SGSM3: variants seen among roughly 807,000 people sequenced by gnomAD.
The protein encoded by SGSM3 is RUN and SH3 containing 3.
In SGSM3, 96 loss-of-function variants were observed where a neutral mutation model predicts 100.5. That is an observed-to-expected ratio of 0.96 (90% confidence interval 0.81 to 1.13). The LOEUF is 1.13. Among genes scored for constraint, SGSM3 ranks in the 50% most tolerant of loss-of-function variants. The pLI is 0.00. For missense variants in SGSM3, 1,001 were observed against 1,015.8 expected, an observed-to-expected ratio of 0.99 and a Z score of 0.20; for synonymous variants, 483 against 422.8, an observed-to-expected ratio of 1.14 and a Z score of -1.75.
At chr22:40,394,554 G>A (rs2049802087) in intron 1 of SGSM3, among the ~76,000 whole-genome samples, 1 of 149,624 alleles carries the variant, frequency 6.7e-6, no homozygotes, top group East Asian at 2.0e-4. Flanking sequence ...GCTGAGGCAG[G>A]AAAATCGCTT....
Position 40,407,609 on chromosome 22 carries a change from C to A in SGSM3, c.1524+41C>A. ...GGACTACCAGGTCCTCAGGCTGTGG[C>A]GGGTTCCCCAGACTCCCTCCACCAA... is the stretch of plus-strand genomic sequence containing the variant. On this transcript the variant is annotated intron_variant, in intron 13 of 21. Coordinates refer to ENST00000248929, the MANE Select transcript of SGSM3 (RefSeq NM_015705.6). The surrounding 1 kb of genome is among the most constrained non-coding windows in gnomAD (Gnocchi z 4.7). The A allele has an allele frequency of 1.3e-6, 2 of 1,590,930 alleles. No individual in the cohort carries two copies. The highest frequency in any genetic ancestry group is 1.7e-6 in the Non-Finnish European group (2 of 1,172,512).
intron 21 of SGSM3, 29 bp from the exon 22 acceptor site, chr22:40,409,653 T>C: frequency 6.2e-7 from 1 of 1,613,108 alleles, no homozygotes; most frequent in South Asian, 1.1e-5. Context: ...GCCCAAGGCC[T>C]GTGAGGTGAG....
rs370689144 is a variant in SGSM3, at chr22:40,407,572, C to T, written c.1524+4C>T. The T allele has an allele frequency of 1.0e-5, 16 of 1,601,388 alleles. No individual in the cohort carries two copies. Among genetic ancestry groups the T allele is most frequent in the African/African-American group, 2.7e-5 (2 of 75,044 alleles). ...CCGCAAGAACGACATCATCACAGTG[C>T]GTGGGGGCGCTGGACTACCAGGTCC... is the stretch of plus-strand genomic sequence containing the variant. On this transcript the variant is annotated splice_donor_region_variant and intron_variant, in intron 13 of 21. Coordinates refer to ENST00000248929, the MANE Select transcript of SGSM3 (RefSeq NM_015705.6). The surrounding 1 kb of genome is among the most constrained non-coding windows in gnomAD (Gnocchi z 4.7).
chr22:40,404,709 G>A (rs753760743), intron 6 of SGSM3, 45 bp downstream of exon 6: 2 of 1,398,896 alleles, frequency 1.4e-6, no homozygotes, highest in African/African-American at 2.8e-5. Flanking sequence ...GGCTGTGTGG[G>A]CTCGCAGGAG....
chr22:40,406,727 T>C, intron 10 of SGSM3, 65 bp downstream of exon 10: 1 of 1,382,460 alleles, frequency 7.2e-7, no homozygotes, highest in Non-Finnish European at 1.0e-6. Context: ...CACCTTGAAG[T>C]TCAGAGCGCG....
chr22:40,384,585 C>T (rs1334454368), intron 1 of SGSM3, among the ~76,000 whole-genome samples: 1 of 152,110 alleles, frequency 6.6e-6, no homozygotes, highest in Non-Finnish European at 1.5e-5. Context: ...TCGAGACCAT[C>T]CTGGCTAACA....
At chr22:40,373,733 A>C (rs2046014833) in intron 1 of SGSM3, among the ~76,000 whole-genome samples, 1 of 151,006 alleles carries the variant, frequency 6.6e-6, no homozygotes, top group South Asian at 2.1e-4. Context: ...CTCCTGCCTC[A>C]GCCTCCCGAG....
rs1412194710 is a variant in SGSM3, at chr22:40,387,544, T to G, written c.-111-13152T>G. The G allele has an allele frequency of 6.7e-5, 15 of 225,098 alleles. 1 individual carries two copies. In the East Asian group the frequency reaches 1.1e-3, roughly 16 times the overall value. 13.9% of individuals were successfully genotyped at this position (225,098 alleles called of 1,614,324 possible). On this transcript the variant is annotated intron_variant, in intron 1 of 21. Coordinates refer to ENST00000248929, the MANE Select transcript of SGSM3 (RefSeq NM_015705.6). Reference sequence around the variant, plus strand: ...CAATATAAATGTCTCAGTGGCCTTCTTTGCCAGTCAGCCCTTAAGGAGCTT... The same window carrying G: ...CAATATAAATGTCTCAGTGGCCTTCGTTGCCAGTCAGCCCTTAAGGAGCTT...
rs1469600637 is a variant in SGSM3, at chr22:40,398,809, T to C, written c.-111-1887T>C. On this transcript the variant is annotated intron_variant, in intron 1 of 21. Coordinates refer to ENST00000248929, the MANE Select transcript of SGSM3 (RefSeq NM_015705.6). ...GTGTCAGGCAGTGTGCTAAAGGCCT[T>C]ATTTGCATCAGCTCACGTAATCCTC... Among the ~76,000 whole-genome samples the C allele has an allele frequency of 2.1e-5, 3 of 141,070 alleles. 1 individual carries two copies. Among genetic ancestry groups the C allele is most frequent in the Non-Finnish European group, 4.6e-5 (3 of 65,178 alleles). The allele number at this position is 141,070 out of a possible 152,430, so 92.5% of individuals were successfully genotyped here. A position where few individuals can be genotyped will look rare whatever the true frequency, so the allele number is the denominator to read the frequency against.
intron 3 of SGSM3, 107 bp from the exon 4 acceptor site, chr22:40,402,032 G>A (rs2050822709): frequency 8.2e-6 from 7 of 849,524 alleles, no homozygotes; most frequent in South Asian, 2.8e-5. Context: ...ATCTGAGCCC[G>A]AAGGCTGGGT....
In SGSM3 at chr22:40,408,358, C is replaced by T. The variant is rs1253560917; in HGVS notation, c.1711C>T (p.Leu571=). 6.2e-7 allele frequency: 1 copy of T among 1,613,610 alleles called. No homozygotes were observed. The highest frequency in any genetic ancestry group is 1.1e-5 in the South Asian group (1 of 91,088). ...RGTLCPALKA[L]FEHGLKKPSL... The stretch of plus-strand genomic sequence containing the variant: ...GACCCTCTGCCCGGCCCTTAAGGCC[C>T]TGTTCGAACATGGACTGAAGAAGCC... The change falls in exon 16 of 22, where the codon CTG becomes TTG. Residue 571 remains leucine (L), a synonymous_variant. Coordinates refer to ENST00000248929, the MANE Select transcript of SGSM3 (RefSeq NM_015705.6).
intron 1 of SGSM3, among the ~76,000 whole-genome samples, chr22:40,400,083 T>G (rs2050544806): frequency 6.6e-6 from 1 of 152,222 alleles, no homozygotes; most frequent in Admixed American, 6.5e-5. Context: ...CTTCCCGATT[T>G]ATCTAGAATT....
chr22:40,393,234 G>A (rs2049594772), intron 1 of SGSM3, among the ~76,000 whole-genome samples: 1 of 152,040 alleles, frequency 6.6e-6, no homozygotes. Flanking sequence ...CTCCCGCCTC[G>A]GCCTCCCAAA....
In SGSM3 at chr22:40,385,878, TCTCA is replaced by T. The variant is rs1224301335; in HGVS notation, c.-111-14814_-111-14811del. ...ACTTTTTTTTTTCTTGAAGACCGGG[TCTCA>T]CTCTGGTTGCCCAGGCTGGAGTGCA... On this transcript the variant is annotated intron_variant, in intron 1 of 21. Transcript: ENST00000248929. 2.6e-5 allele frequency among the ~76,000 whole-genome samples: 4 copies of T among 151,956 alleles called. No individual in the cohort carries two copies. In the East Asian group the frequency reaches 5.8e-4, roughly 22 times the overall value.
chr22:40,373,872 C>T (rs1442418354), intron 1 of SGSM3, among the ~76,000 whole-genome samples: 1 of 152,176 alleles, frequency 6.6e-6, no homozygotes, highest in East Asian at 1.9e-4. Context: ...CCTAGGCCTT[C>T]CAAAGTGCTG....
chr22:40,400,547 G>A, intron 1 of SGSM3, 149 bp from the exon 2 acceptor site: 2 of 348,694 alleles, frequency 5.7e-6, no homozygotes, highest in Non-Finnish European at 1.1e-5. Context: ...GGAGGCCGAG[G>A]CAGAAGAATC....
At chr22:40,409,217 G>C (rs2052189517) in intron 19 of SGSM3, 33 bp from the exon 20 acceptor site, 1 of 1,574,710 alleles carries the variant, frequency 6.4e-7, no homozygotes, top group African/African-American at 1.3e-5. Context: ...GCCTGGAGCT[G>C]CCCCTGCTCC....
rs2051652748 is a variant in SGSM3 at position 40,407,010 on chromosome 22, G to C, written c.1186-7G>C. On this transcript the variant is annotated splice_polypyrimidine_tract_variant and splice_region_variant and intron_variant, in intron 10 of 21. Coordinates refer to ENST00000248929, the MANE Select transcript of SGSM3 (RefSeq NM_015705.6). The surrounding 1 kb of genome is among the most constrained non-coding windows in gnomAD (Gnocchi z 4.7). ...AGGACCACCCTGACCCACTCCTCTT[G>C]GTGCAGGTTGTTCGCCGCAGGACCC... 2.6e-6 allele frequency: 4 copies of C among 1,568,152 alleles called. No individual in the cohort carries two copies. Among genetic ancestry groups the C allele is most frequent in the Non-Finnish European group, 3.5e-6 (4 of 1,156,190 alleles).
rs2051947871 is a variant in SGSM3 at position 40,408,270 on chromosome 22, C to T, written c.1630-7C>T. On this transcript the variant is annotated splice_region_variant and splice_polypyrimidine_tract_variant and intron_variant, in intron 15 of 21. Coordinates refer to ENST00000248929, the MANE Select transcript of SGSM3 (RefSeq NM_015705.6). ...CAGGGCTTTCTCAGACCCATCCCTC[C>T]CATCAGTACTCCATCGCGGGGGATG... 1.2e-6 allele frequency: 2 copies of T among 1,613,176 alleles called. No homozygotes were observed.
Sources: allele counts gnomAD v4.1 joint callset (sites outside exome capture counted in the v4.1 genomes callset), GRCh38; gene constraint gnomAD v4.1.1; non-coding constraint Gnocchi (gnomAD v3.1); transcripts MANE v1.5; gene names NCBI Gene and HGNC (gene_info 2026-07-23, HGNC 2026-07-21).